The following IGSF11 variants were observed in gnomAD, a reference collection of about 807,000 sequenced individuals.
The protein encoded by IGSF11 is immunoglobulin superfamily member 11.
IGSF11 carries 22 observed loss-of-function variants against 41.0 expected under a neutral mutation model. The observed-to-expected ratio is 0.54, with a 90% CI of 0.38 to 0.77. The LOEUF is 0.77. IGSF11 is among the 30% of genes least tolerant of loss of function. The pLI is 0.00. For synonymous variants in IGSF11, 219 were observed against 201.3 expected (o/e 1.09, Z -0.74); for missense variants, 444 against 530.8 (o/e 0.84, Z 1.61).
At chr3:119,000,259 T>C (rs1470574249) in intron 1 of IGSF11, among the ~76,000 whole-genome samples, 2 of 150,710 alleles carry the variant, frequency 1.3e-5, no homozygotes, top group Non-Finnish European at 2.9e-5. Flanking sequence ...TATTATTTGA[T>C]GATTCTTTCT....
chr3:118,994,369 T>C (rs116813632), intron 1 of IGSF11, among the ~76,000 whole-genome samples: 143 of 152,090 alleles, frequency 9.4e-4, no homozygotes, highest in African/African-American at 3.4e-3. Flanking sequence ...ACAAAAGAAA[T>C]AGTGGGGCTG....
intron 1 of IGSF11, among the ~76,000 whole-genome samples, chr3:119,018,591 A>T (rs889943742): frequency 1.3e-5 from 2 of 152,230 alleles, no homozygotes; most frequent in Non-Finnish European, 2.9e-5. Flanking sequence ...AACTATAGGT[A>T]CTGGAATTCA....
At chr3:118,920,724 C>A (rs571123536) in intron 4 of IGSF11, among the ~76,000 whole-genome samples, 158 of 152,246 alleles carry the variant, frequency 1.0e-3, no homozygotes, top group African/African-American at 3.6e-3. Flanking sequence ...AACAAATTGA[C>A]AAATCCACAG....
intron 1 of IGSF11, among the ~76,000 whole-genome samples, chr3:119,052,280 G>T (rs1483154938): frequency 6.6e-6 from 1 of 152,058 alleles, no homozygotes; most frequent in African/African-American, 2.4e-5. Context: ...AGGAGTTCGA[G>T]ACAAGTCTGG....
chr3:119,124,844 C>G (rs779907351), intron 1 of IGSF11, among the ~76,000 whole-genome samples: 2 of 152,040 alleles, frequency 1.3e-5, no homozygotes, highest in Non-Finnish European at 2.9e-5. Context: ...GCAAAGAAGA[C>G]TACCTCAAGG....
intron 1 of IGSF11, among the ~76,000 whole-genome samples, chr3:118,990,241 G>A (rs1199418006): frequency 3.3e-5 from 5 of 152,200 alleles, no homozygotes; most frequent in Admixed American, 3.3e-4. Context: ...TTGAAAGGGA[G>A]AGAGAATAGA....
rs145014160 is a variant in IGSF11 at position 119,059,717 on chromosome 3, T to C, written c.49+45427A>G. Among the ~76,000 whole-genome samples, 1,002 of 152,208 alleles carry C rather than the reference T, an allele frequency of 6.6e-3. 6 individuals carry two copies. Among genetic ancestry groups the C allele is most frequent in the Non-Finnish European group, 0.011 (752 of 68,000 alleles). ...AAGCATCAAGACCTTCTTCGAATGT[T>C]CAGACAATTTTCCAGAGTTTGATTT... is the stretch of plus-strand genomic sequence containing the variant. On this transcript the variant is annotated intron_variant, in intron 1 of 6. Coordinates refer to the IGSF11 transcript ENST00000354673.
intron 1 of IGSF11, among the ~76,000 whole-genome samples, chr3:119,076,881 A>C (rs2076508969): frequency 6.6e-6 from 1 of 152,294 alleles, no homozygotes; most frequent in Admixed American, 6.5e-5. Context: ...AGGATCTAGA[A>C]CTAGAAATAC....
intron 1 of IGSF11, among the ~76,000 whole-genome samples, chr3:118,972,607 C>T (rs1182254657): frequency 6.6e-6 from 1 of 152,124 alleles, no homozygotes; most frequent in African/African-American, 2.4e-5. Flanking sequence ...AATCCATGTG[C>T]CTGACACACA....
At chr3:119,111,529 G>A (rs531392031) in intron 1 of IGSF11, among the ~76,000 whole-genome samples, 1 of 152,032 alleles carries the variant, frequency 6.6e-6, no homozygotes, top group East Asian at 1.9e-4. Flanking sequence ...CTTTGCCTTT[G>A]GTTTGAATTT....
intron 1 of IGSF11, among the ~76,000 whole-genome samples, chr3:119,027,312 T>C (rs1307042460): frequency 6.6e-6 from 1 of 152,194 alleles, no homozygotes; most frequent in Admixed American, 6.5e-5. Context: ...TTTGGTAGAA[T>C]ACCAAAGATG....
chr3:118,987,540 AC>A (rs1935379719), intron 1 of IGSF11, among the ~76,000 whole-genome samples: 1 of 152,218 alleles, frequency 6.6e-6, no homozygotes, highest in African/African-American at 2.4e-5. Flanking sequence ...GTAATCTAGT[AC>A]CAATAAAAAT....
intron 1 of IGSF11, among the ~76,000 whole-genome samples, chr3:119,061,248 A>G (rs1178767672): frequency 6.6e-6 from 1 of 152,092 alleles, no homozygotes; most frequent in Middle Eastern, 3.2e-3. Flanking sequence ...CTTATGCGCC[A>G]TTTCATATCT....
At chr3:119,113,734 G>A (rs1022146107) in intron 1 of IGSF11, among the ~76,000 whole-genome samples, 2 of 152,226 alleles carry the variant, frequency 1.3e-5, no homozygotes, top group African/African-American at 2.4e-5. Context: ...ACTAGGCAGT[G>A]CCCCAGTGGG....
chr3:118,952,872 T>G (rs1944672496), intron 1 of IGSF11, among the ~76,000 whole-genome samples: 1 of 152,154 alleles, frequency 6.6e-6, no homozygotes, highest in Non-Finnish European at 1.5e-5. Context: ...ATGTTGTTAT[T>G]TTTCCTGAGA....
chr3:118,960,012 T>C (rs1379448301), intron 1 of IGSF11, among the ~76,000 whole-genome samples: 1 of 144,190 alleles, frequency 6.9e-6, no homozygotes, highest in Non-Finnish European at 1.5e-5. Flanking sequence ...GCCACTGCAC[T>C]ACAGCCTGGG....
chr3:119,107,963 C>A (rs2077064957), upstream of IGSF11, among the ~76,000 whole-genome samples: 1 of 149,996 alleles, frequency 6.7e-6, no homozygotes, highest in Admixed American at 6.6e-5. Flanking sequence ...GTTTTGGTAC[C>A]AGTACCATGC....
At chr3:118,940,397 G>T (rs1448959300) in intron 1 of IGSF11, among the ~76,000 whole-genome samples, 4 of 151,952 alleles carry the variant, frequency 2.6e-5, no homozygotes, top group Admixed American at 6.5e-5. Flanking sequence ...ATGAATATTT[G>T]GAAATTAAAA....
In IGSF11 at chr3:118,900,795, AAAGT is replaced by A. The variant is rs1938759326; in HGVS notation, c.*1721_*1724del. The A allele has an allele frequency of 2.0e-5, 3 of 152,592 alleles. No homozygotes were observed. The highest frequency in any genetic ancestry group is 4.8e-5 in the African/African-American group (2 of 41,442). The allele number at this position is 152,592 out of a possible 1,614,324, so 9.5% of individuals were successfully genotyped here. A position where few individuals can be genotyped will look rare whatever the true frequency, so the allele number is the denominator to read the frequency against. On this transcript the variant is annotated 3_prime_UTR_variant, in exon 7 of 7. Coordinates refer to ENST00000393775, the MANE Select transcript of IGSF11 (RefSeq NM_001015887.3). ...GACATTCATTTATTTAAATTTTTAC[AAAGT>A]AAGAACCATCAAATGGAAAAAAAAA... is the stretch of plus-strand genomic sequence containing the variant.
Sources: allele counts gnomAD v4.1 joint callset (sites outside exome capture counted in the v4.1 genomes callset), GRCh38; gene constraint gnomAD v4.1.1; transcripts MANE v1.5; gene names NCBI Gene and HGNC (gene_info 2026-07-23, HGNC 2026-07-21).